Variants in EIF3E observed in about 807,000 individuals in gnomAD.
EIF3E encodes eukaryotic translation initiation factor 3 subunit E.
A neutral mutation model predicts 59.3 loss-of-function variants in EIF3E; 25 were observed. The ratio of observed to expected loss-of-function variants is 0.42; its 90% CI spans 0.31 to 0.59. The LOEUF (loss-of-function observed/expected upper bound fraction) is 0.59, where lower values mean the gene tolerates loss of function less well. EIF3E is among the 20% of genes least tolerant of loss of function. The pLI is 0.15. For missense variants in EIF3E, 317 were observed against 534.3 expected (o/e 0.59, Z 4.01); for synonymous variants, 176 against 170.2 (o/e 1.03, Z -0.26).
chr8:108,220,145 CAAA>C (rs1187906919), intron 7 of EIF3E, among the ~76,000 whole-genome samples: 2 of 104,064 alleles, frequency 1.9e-5, no homozygotes, highest in African/African-American at 3.2e-5. Context: ...CTCCATCTCC[CAAA>C]AAAAAAAAAA....
intron 5 of EIF3E, chr8:108,234,324 C>T (rs558204564): frequency 2.0e-5 from 3 of 152,364 alleles, no homozygotes; most frequent in East Asian, 1.9e-4. Flanking sequence ...TGAGCCACCG[C>T]ACTTGGCCAA....
chr8:108,234,987 C>CTTA lies in EIF3E; in HGVS notation c.471+8_471+10dup, dbSNP rs778249763. ...AAAAAAAAAAAAAAAAAAACATGTA[C>CTTA]TTATACTTACCAGCACTCTAAAAAA... is the stretch of plus-strand genomic sequence containing the variant. On this transcript the variant is annotated intron_variant, in intron 5 of 12. Transcript: ENST00000220849. The CTTA allele has an allele frequency of 2.8e-6, 3 of 1,052,912 alleles. No individual in the cohort carries two copies. The South Asian group carries it at 4.2e-5, about 15-fold the overall frequency. The allele number at this position is 1,052,912 out of a possible 1,614,324, so 65.2% of individuals were successfully genotyped here.
intron 2 of EIF3E, among the ~76,000 whole-genome samples, chr8:108,241,097 G>A (rs1419554171): frequency 1.3e-5 from 2 of 152,168 alleles, no homozygotes; most frequent in Non-Finnish European, 2.9e-5. Context: ...TATGTTTAAT[G>A]TAATAATGTC....
chr8:108,239,877 G>T, intron 3 of EIF3E, 81 bp downstream of exon 3: 1 of 1,105,874 alleles, frequency 9.0e-7, no homozygotes, highest in Non-Finnish European at 1.4e-6. Flanking sequence ...TTTACTATGG[G>T]ATACTGGATA....
intron 10 of EIF3E, among the ~76,000 whole-genome samples, chr8:108,208,047 G>T (rs1331120105): frequency 6.6e-6 from 1 of 152,084 alleles, no homozygotes. Flanking sequence ...GATAAGGGTT[G>T]TATCAACTCT....
Position 108,201,867 on chromosome 8 carries a change from T to A in EIF3E, c.*18A>T. ...CTTTCTTTGATAGTTTTTTTTTTCA[T>A]CTTTTCTTTATGGTTCTTCAGTAGA... On this transcript the variant is annotated 3_prime_UTR_variant, in exon 13 of 13. Transcript: ENST00000220849. The A allele has an allele frequency of 4.0e-6, 6 of 1,503,976 alleles. No homozygotes were observed. Among genetic ancestry groups the A allele is most frequent in the Non-Finnish European group, 5.3e-6 (6 of 1,126,030 alleles). The allele number at this position is 1,503,976 out of a possible 1,614,324, so 93.2% of individuals were successfully genotyped here.
At chr8:108,211,950 TTAATC>T (rs1197938904) in intron 10 of EIF3E, among the ~76,000 whole-genome samples, 1 of 152,218 alleles carries the variant, frequency 6.6e-6, no homozygotes, top group Non-Finnish European at 1.5e-5. Flanking sequence ...AAATGACAAA[TTAATC>T]TAAACCTGAC....
chr8:108,219,833 C>CA (rs952577026), intron 7 of EIF3E, among the ~76,000 whole-genome samples: 1 of 151,606 alleles, frequency 6.6e-6, no homozygotes, highest in African/African-American at 2.4e-5. Context: ...GACCCTGCCT[C>CA]AAAAAAAGAA....
chr8:108,221,903 A>G (rs896183558), intron 7 of EIF3E, among the ~76,000 whole-genome samples: 1 of 152,192 alleles, frequency 6.6e-6, no homozygotes, highest in Non-Finnish European at 1.5e-5. Context: ...AAATATTATT[A>G]TTCTTTTCAC....
chr8:108,236,391 C>T (rs1352386734), intron 3 of EIF3E, among the ~76,000 whole-genome samples, 188 bp from the exon 4 acceptor site: 1 of 152,184 alleles, frequency 6.6e-6, no homozygotes, highest in Admixed American at 6.5e-5. Context: ...AGGAGAGCTA[C>T]AAACTTTAAA....
chr8:108,202,672 A>G (rs1268222359), intron 12 of EIF3E, among the ~76,000 whole-genome samples: 1 of 152,092 alleles, frequency 6.6e-6, no homozygotes, highest in African/African-American at 2.4e-5. Flanking sequence ...CATGTAAGTT[A>G]TCATCTGCCA....
intron 2 of EIF3E, 65 bp downstream of exon 2, chr8:108,241,734 A>C (rs565372084): frequency 8.5e-5 from 83 of 979,466 alleles, no homozygotes; most frequent in Non-Finnish European, 1.2e-4. Flanking sequence ...CTTATAAATC[A>C]TAAAACTTTA....
intron 1 of EIF3E, 91 bp downstream of exon 1, chr8:108,248,522 T>C (rs1245627485): frequency 2.3e-6 from 3 of 1,293,048 alleles, no homozygotes; most frequent in Non-Finnish European, 3.3e-6. Context: ...GCCTCGCACG[T>C]GTCAGGCCTA....
intron 12 of EIF3E, 137 bp from the exon 13 acceptor site, chr8:108,202,060 A>G (rs879938280): frequency 1.1e-4 from 72 of 673,802 alleles, no homozygotes; most frequent in Non-Finnish European, 1.5e-4. Flanking sequence ...TAACTCCTGC[A>G]ATTACTAGAT....
chr8:108,219,276 ATCTAC>A (rs1815362101), intron 7 of EIF3E, among the ~76,000 whole-genome samples: 1 of 152,176 alleles, frequency 6.6e-6, no homozygotes, highest in African/African-American at 2.4e-5. Context: ...TATTTGGGAA[ATCTAC>A]TCTTTGTTTC....
chr8:108,206,665 C>T (rs1312066767), intron 10 of EIF3E, among the ~76,000 whole-genome samples: 1 of 151,930 alleles, frequency 6.6e-6, no homozygotes, highest in Non-Finnish European at 1.5e-5. Context: ...CACGCACGTA[C>T]AGTGGCCTGC....
intron 7 of EIF3E, among the ~76,000 whole-genome samples, chr8:108,225,332 C>A (rs1815498257): frequency 6.6e-6 from 1 of 151,474 alleles, no homozygotes; most frequent in Non-Finnish European, 1.5e-5. Context: ...ATGCTTAAAC[C>A]CGTTTCTATG....
Position 108,239,997 on chromosome 8 carries a change from A to G in EIF3E, c.284T>C (p.Phe95Ser). ...QAETEPIVKMFEDPETTRQMQ... is the reference protein window; with the variant it reads ...QAETEPIVKMSEDPETTRQMQ... ...TTGCCTTGTAGTTTCTGGATCTTCAAACATCTTCACAATTGGTTCTGTTTC... is the reference window on the plus strand; with the variant it reads ...TTGCCTTGTAGTTTCTGGATCTTCAGACATCTTCACAATTGGTTCTGTTTC... The change falls in exon 3 of 13, where the codon TTT becomes TCT. Residue 95 changes from phenylalanine to serine, a missense_variant. Around this residue, in one of 4 missense-constraint regions of EIF3E, gnomAD observed 242 missense variants for 398.0 expected, o/e 0.61. Transcript: ENST00000220849. The G allele has an allele frequency of 6.2e-7, 1 of 1,614,052 alleles. No homozygotes were observed. The highest frequency in any genetic ancestry group is 8.5e-7 in the Non-Finnish European group (1 of 1,179,984).
intron 7 of EIF3E, 116 bp from the exon 8 acceptor site, chr8:108,217,576 A>ATCT (rs1815327905): frequency 2.3e-5 from 18 of 785,638 alleles, no homozygotes; most frequent in Non-Finnish European, 3.2e-5. Context: ...ACACTTAAGA[A>ATCT]TGAGTATTAT....
Sources: gnomAD v4.1 joint callset for allele counts (sites outside exome capture counted in the v4.1 genomes callset) on GRCh38, gnomAD v4.1.1 for gene constraint, gnomAD v4.1.1 regional missense constraint, MANE v1.5 for transcripts, NCBI Gene and HGNC (gene_info 2026-07-23, HGNC 2026-07-21) for gene names.